WWC1: variants seen among roughly 807,000 people sequenced by gnomAD.
WWC1 encodes the protein protein KIBRA.
WWC1 carries 55 observed loss-of-function variants against 138.4 expected under a neutral mutation model. The observed-to-expected ratio is 0.40, with a 90% CI of 0.32 to 0.50. The LOEUF (loss-of-function observed/expected upper bound fraction) is 0.50. Among genes scored for constraint, WWC1 ranks in the 20% least tolerant of loss-of-function variants. WWC1 has a pLI of 0.72. For synonymous variants in WWC1, 524 were observed against 564.9 expected (o/e 0.93, Z 1.03); for missense variants, 1,226 against 1,420.4 (o/e 0.86, Z 2.20).
At chr5:168,309,293 C>G (rs968014840) in intron 1 of WWC1, among the ~76,000 whole-genome samples, 1 of 152,182 alleles carries the variant, frequency 6.6e-6, no homozygotes, top group Non-Finnish European at 1.5e-5. Flanking sequence ...CTGGACATTT[C>G]TGTGTCTAGA....
chr5:168,347,101 T>C (rs1486796379), intron 1 of WWC1, among the ~76,000 whole-genome samples: 2 of 152,130 alleles, frequency 1.3e-5, no homozygotes, highest in African/African-American at 4.8e-5. Context: ...ACTTTCCTAA[T>C]AGGGTCCTTG....
At chr5:168,418,760 G>A (rs6893902) in intron 9 of WWC1, among the ~76,000 whole-genome samples, 16,779 of 152,034 alleles carry the variant, frequency 0.11, 1,041 homozygotes, top group African/African-American at 0.15. Context: ...AATGGTGAGC[G>A]CCAGCTGCTC....
intron 8 of WWC1, chr5:168,412,211 T>C: frequency 1.0e-6 from 1 of 984,938 alleles, no homozygotes; most frequent in Non-Finnish European, 1.2e-6. Context: ...GCTTCCTAGC[T>C]CATCTGACTT....
At position 168,471,573 on chromosome 5, in the gene WWC1, A is replaced by G. The variant is rs1757673684; in HGVS notation, c.*2556A>G. 1 of 152,298 alleles carries G rather than the reference A, an allele frequency of 6.6e-6. No homozygotes were observed. Among genetic ancestry groups the G allele is most frequent in the South Asian group, 2.1e-4 (1 of 4,836 alleles). The allele number at this position is 152,298 out of a possible 1,614,324, so 9.4% of individuals were successfully genotyped here. A position where few individuals can be genotyped will look rare whatever the true frequency, so the allele number is the denominator to read the frequency against. ...TCTTTTCTGCCCTTCTGTTAAGGGC[A>G]TTGGCCACAGCAACGGGGCAAATGC... On this transcript the variant is annotated 3_prime_UTR_variant, in exon 23 of 23. Coordinates refer to ENST00000265293, the MANE Select transcript of WWC1 (RefSeq NM_015238.3).
chr5:168,414,672 G>A (rs1312873326), intron 9 of WWC1, 82 bp downstream of exon 9: 2 of 1,460,686 alleles, frequency 1.4e-6, no homozygotes, highest in Non-Finnish European at 1.8e-6. Flanking sequence ...GAAGAATGAG[G>A]GGGCTCCGGG....
intron 1 of WWC1, among the ~76,000 whole-genome samples, chr5:168,312,681 G>C (rs986939327): frequency 6.6e-6 from 1 of 152,218 alleles, no homozygotes; most frequent in African/African-American, 2.4e-5. Context: ...CATGAGAGAT[G>C]CTGAGTTGAA....
chr5:168,461,969 T>C (rs1328096148), intron 20 of WWC1, among the ~76,000 whole-genome samples: 2 of 151,804 alleles, frequency 1.3e-5, no homozygotes, highest in East Asian at 3.9e-4. Flanking sequence ...GGCAGGAGAA[T>C]TGCTTGAACC....
At chr5:168,313,906 C>T (rs970450792) in intron 1 of WWC1, among the ~76,000 whole-genome samples, 3 of 152,146 alleles carry the variant, frequency 2.0e-5, no homozygotes, top group Non-Finnish European at 2.9e-5. Flanking sequence ...AGATTGAAGC[C>T]GGGTGGGGCG....
At chr5:168,335,972 CTG>C (rs1443925208) in intron 1 of WWC1, among the ~76,000 whole-genome samples, 4 of 152,226 alleles carry the variant, frequency 2.6e-5, no homozygotes, top group Non-Finnish European at 5.9e-5. Context: ...CTTGTCCTCT[CTG>C]GTCCTCGTTT....
intron 21 of WWC1, 88 bp downstream of exon 21, chr5:168,465,050 A>T: frequency 6.7e-7 from 1 of 1,501,954 alleles, no homozygotes; most frequent in East Asian, 2.4e-5. Context: ...GCCAGAGCTC[A>T]TGATGCATCC....
chr5:168,389,796 C>G (rs1295762359), intron 3 of WWC1, among the ~76,000 whole-genome samples: 3 of 152,026 alleles, frequency 2.0e-5, no homozygotes, highest in Non-Finnish European at 4.4e-5. Context: ...CTGGGTAACT[C>G]TTCTTTGTGA....
chr5:168,375,854 C>T (rs549864484), intron 2 of WWC1, among the ~76,000 whole-genome samples: 89 of 152,182 alleles, frequency 5.8e-4, no homozygotes, highest in Non-Finnish European at 1.0e-3. Flanking sequence ...GGAATACAGA[C>T]GTGAGCCACC....
chr5:168,349,304 C>G (rs937636032), intron 1 of WWC1, among the ~76,000 whole-genome samples: 1 of 152,166 alleles, frequency 6.6e-6, no homozygotes, highest in Non-Finnish European at 1.5e-5. Flanking sequence ...TCCCACCCCT[C>G]TGACACGCCT....
intron 5 of WWC1, among the ~76,000 whole-genome samples, chr5:168,401,215 T>C (rs953771805): frequency 5.9e-5 from 9 of 152,210 alleles, no homozygotes; most frequent in African/African-American, 2.2e-4. Flanking sequence ...GACTCATTCA[T>C]TGAATTGTGT....
intron 1 of WWC1, among the ~76,000 whole-genome samples, chr5:168,311,254 G>C (rs904374118): frequency 6.6e-6 from 1 of 152,170 alleles, no homozygotes; most frequent in African/African-American, 2.4e-5. Context: ...CAGCAGGAAG[G>C]GGTCTGCTTC....
chr5:168,432,963 G>A (rs749246256), intron 15 of WWC1, among the ~76,000 whole-genome samples: 9 of 152,296 alleles, frequency 5.9e-5, no homozygotes, highest in Non-Finnish European at 1.2e-4. Context: ...CCAGAGAAGG[G>A]AATCTCTTTG....
intron 17 of WWC1, among the ~76,000 whole-genome samples, chr5:168,450,769 T>C (rs574562154): frequency 3.3e-5 from 5 of 152,130 alleles, no homozygotes; most frequent in Non-Finnish European, 7.4e-5. Context: ...TTCACAACTT[T>C]GAGGTAGGCA....
chr5:168,429,864 G>T (rs1781806676), intron 13 of WWC1, among the ~76,000 whole-genome samples: 1 of 152,128 alleles, frequency 6.6e-6, no homozygotes, highest in South Asian at 2.1e-4. Context: ...GAGCCTGGGA[G>T]GTCGAGGCTA....
Position 168,431,365 on chromosome 5 carries a change from T to C in WWC1, c.2201T>C (p.Met734Thr). The C allele has an allele frequency of 1.1e-5, 17 of 1,614,124 alleles. No homozygotes were observed. The highest frequency in any genetic ancestry group is 1.4e-5 in the Non-Finnish European group (17 of 1,180,016). The change falls in exon 15 of 23, where the codon ATG becomes ACG. Residue 734 changes from methionine (M) to threonine (T), a missense_variant. By Grantham distance (81) the Met-to-Thr change is moderately conservative. This residue lies in a region of WWC1 where 1,016 missense variants were observed against 1,153.9 expected (regional missense o/e 0.88). Transcript: ENST00000265293. ...TTCAATGAGGTGTTCTGGGTATCCA[T>C]GTCCTATCCAGCCCTTCACCAGAAG... Reference protein sequence around the residue: ...LVFNEVFWVSMSYPALHQKTL... With the variant: ...LVFNEVFWVSTSYPALHQKTL...
Sources: allele counts gnomAD v4.1 joint callset (sites outside exome capture counted in the v4.1 genomes callset), GRCh38; gene constraint gnomAD v4.1.1; regional missense constraint gnomAD v4.1.1; transcripts MANE v1.5; gene names NCBI Gene and HGNC (gene_info 2026-07-23, HGNC 2026-07-21).